The following GALNT13 variants were observed in gnomAD, a reference collection of about 807,000 sequenced individuals.
GALNT13 encodes UDP-GalNAc:polypeptide N-acetylgalactosaminyltransferase 13.
Under a neutral mutation model 64.2 loss-of-function variants are expected in GALNT13, and 28 were observed. The observed-to-expected ratio is 0.44, with a 90% CI of 0.32 to 0.60. GALNT13 has a LOEUF of 0.60. Ranked by LOEUF, GALNT13 falls within the 20% of genes least tolerant of loss-of-function variation. The probability of loss-of-function intolerance (pLI) is 0.05; values close to 1 mark genes in which losing one functional copy is unlikely to be tolerated. For missense variants in GALNT13, 577 were observed against 669.8 expected (o/e 0.86, Z 1.53); for synonymous variants, 214 against 224.6 (o/e 0.95, Z 0.42).
At chr2:153,871,573 G>C (rs73005931), upstream of GALNT13, among the ~76,000 whole-genome samples, 10,324 of 152,256 alleles carry the variant, frequency 0.068, 573 homozygotes, top group South Asian at 0.17. Flanking sequence ...GCCGGCTTTG[G>C]CGTTGTGGGG....
chr2:153,426,301 C>G, the GALNT13 span, among the ~76,000 whole-genome samples: 1 of 151,654 alleles, frequency 6.6e-6, no homozygotes, highest in Non-Finnish European at 1.5e-5. Flanking sequence ...ATCTAAAGAA[C>G]AAGACCATAG....
chr2:154,149,469 C>G (rs970943546), intron 4 of GALNT13, among the ~76,000 whole-genome samples: 6 of 152,100 alleles, frequency 3.9e-5, no homozygotes, highest in African/African-American at 1.4e-4. Context: ...TGAAGAAAGT[C>G]ATTGGTAGCT....
At chr2:153,136,570 C>T in the GALNT13 span, among the ~76,000 whole-genome samples, 1 of 152,018 alleles carries the variant, frequency 6.6e-6, no homozygotes, top group Non-Finnish European at 1.5e-5. Context: ...TATTTTTCAG[C>T]CACTCAGCTA....
At chr2:153,700,743 T>C in the GALNT13 span, among the ~76,000 whole-genome samples, 1 of 151,964 alleles carries the variant, frequency 6.6e-6, no homozygotes, top group Admixed American at 6.6e-5. Context: ...CTATCCACAA[T>C]TGCTACAAAG....
At chr2:154,341,978 C>G (rs1449543094) in intron 9 of GALNT13, among the ~76,000 whole-genome samples, 1 of 151,938 alleles carries the variant, frequency 6.6e-6, no homozygotes, top group Non-Finnish European at 1.5e-5. Context: ...AAATATGACT[C>G]AAAGTTTTGA....
At chr2:154,104,211 A>T (rs1863087) in intron 3 of GALNT13, among the ~76,000 whole-genome samples, 107,998 of 140,264 alleles carry the variant, frequency 0.77, 40,965 homozygotes, top group East Asian at 0.96. Context: ...GGGTGGGGGG[A>T]TGGTGGGGAG....
At chr2:153,232,420 A>G in the GALNT13 span, among the ~76,000 whole-genome samples, 60 of 152,324 alleles carry the variant, frequency 3.9e-4, no homozygotes, top group Middle Eastern at 3.4e-3. Context: ...TTTGGTAGAA[A>G]TGCTACTAAA....
chr2:153,786,161 C>T, the GALNT13 span, among the ~76,000 whole-genome samples: 3 of 152,162 alleles, frequency 2.0e-5, no homozygotes, highest in African/African-American at 7.2e-5. Context: ...TGTAACTCAC[C>T]ACTTCAATCA....
chr2:154,374,465 A>G (rs1440469752), intron 9 of GALNT13, among the ~76,000 whole-genome samples: 2 of 152,332 alleles, frequency 1.3e-5, no homozygotes, highest in East Asian at 3.9e-4. Context: ...GTTAGAAGCC[A>G]TTACCAGAGA....
the GALNT13 span, among the ~76,000 whole-genome samples, chr2:153,618,766 A>G: frequency 2.6e-5 from 4 of 151,970 alleles, no homozygotes; most frequent in African/African-American, 9.7e-5. Context: ...TTATTATTGT[A>G]TAATGACCTT....
At chr2:154,363,720 T>C (rs1316668505) in intron 9 of GALNT13, among the ~76,000 whole-genome samples, 3 of 152,216 alleles carry the variant, frequency 2.0e-5, no homozygotes, top group South Asian at 4.1e-4. Context: ...TGGAGTTAAA[T>C]AGAAGTGTTG....
At chr2:153,807,590 T>G in the GALNT13 span, among the ~76,000 whole-genome samples, 2 of 152,074 alleles carry the variant, frequency 1.3e-5, no homozygotes, top group Non-Finnish European at 2.9e-5. Context: ...AAGTTTGCTG[T>G]GTATGCCAGA....
At chr2:153,761,085 C>T in the GALNT13 span, among the ~76,000 whole-genome samples, 1 of 152,046 alleles carries the variant, frequency 6.6e-6, no homozygotes, top group African/African-American at 2.4e-5. Flanking sequence ...TATTATTTTT[C>T]ATCCCCTCAC....
the GALNT13 span, among the ~76,000 whole-genome samples, chr2:153,751,512 A>T: frequency 7.2e-5 from 11 of 151,726 alleles, no homozygotes; most frequent in South Asian, 8.3e-4. Flanking sequence ...ATGTGCTCTC[A>T]TGTTGGGTGC....
At chr2:153,158,915 T>G in the GALNT13 span, 2 of 152,288 alleles carry the variant, frequency 1.3e-5, no homozygotes, top group African/African-American at 4.8e-5. Context: ...TAACAGATTC[T>G]TTGGCCTGGG....
the GALNT13 span, among the ~76,000 whole-genome samples, chr2:153,181,787 A>G: frequency 1.4e-5 from 2 of 146,008 alleles, no homozygotes; most frequent in African/African-American, 2.5e-5. Flanking sequence ...ATTTATATTT[A>G]TATTATATAA....
At chr2:153,331,852 ACTCAATATT>A in the GALNT13 span, among the ~76,000 whole-genome samples, 192 of 152,244 alleles carry the variant, frequency 1.3e-3, 1 homozygote, top group African/African-American at 4.5e-3. Flanking sequence ...CAATTTCAGG[ACTCAATATT>A]GACCTGTTTT....
the GALNT13 span, among the ~76,000 whole-genome samples, chr2:153,549,943 G>A: frequency 1.3e-5 from 2 of 151,974 alleles, no homozygotes; most frequent in African/African-American, 4.8e-5. Flanking sequence ...TTCTAGCTTG[G>A]TTGTCTTCTG....
intron 9 of GALNT13, among the ~76,000 whole-genome samples, chr2:154,340,322 C>G (rs1304820957): frequency 6.6e-6 from 1 of 152,082 alleles, no homozygotes; most frequent in Non-Finnish European, 1.5e-5. Flanking sequence ...CTCTTGAGCT[C>G]AAATGATCAT....
Sources: allele counts gnomAD v4.1 joint callset (sites outside exome capture counted in the v4.1 genomes callset), GRCh38; gene constraint gnomAD v4.1.1; transcripts MANE v1.5; gene names NCBI Gene and HGNC (gene_info 2026-07-23, HGNC 2026-07-21).